The following PARD3 variants were observed in gnomAD, a reference collection of about 807,000 sequenced individuals.
PARD3 encodes the protein partitioning defective 3 homolog.
In PARD3, 75 loss-of-function variants were observed where a neutral mutation model predicts 155.4. That is an observed-to-expected ratio of 0.48 (90% CI 0.40 to 0.58). PARD3 has a LOEUF of 0.58. Ranked by LOEUF, PARD3 falls within the 20% of genes least tolerant of loss-of-function variation. The pLI is 0.00. For missense variants in PARD3, 1,642 were observed against 1,721.7 expected (o/e 0.95, Z 0.82); for synonymous variants, 576 against 610.5 (o/e 0.94, Z 0.83).
At chr10:34,373,557 T>C (rs1840913430) in intron 11 of PARD3, among the ~76,000 whole-genome samples, 1 of 151,860 alleles carries the variant, frequency 6.6e-6, no homozygotes, top group Non-Finnish European at 1.5e-5. Context: ...ATTTACAATT[T>C]AATAGAGACA....
intron 1 of PARD3, among the ~76,000 whole-genome samples, chr10:34,758,047 C>T (rs1175954461): frequency 6.6e-6 from 1 of 152,212 alleles, no homozygotes; most frequent in East Asian, 1.9e-4. Context: ...TTCCTGACCC[C>T]TTTGCAAGCA....
chr10:34,676,627 G>C (rs910562437), intron 2 of PARD3, among the ~76,000 whole-genome samples: 1 of 152,130 alleles, frequency 6.6e-6, no homozygotes, highest in South Asian at 2.1e-4. Context: ...ATTAGAAGTC[G>C]TTTAGGGAAG....
At chr10:34,796,507 A>T (rs766727973) in intron 1 of PARD3, among the ~76,000 whole-genome samples, 1 of 152,258 alleles carries the variant, frequency 6.6e-6, no homozygotes, top group Non-Finnish European at 1.5e-5. Flanking sequence ...AAACTGCTGA[A>T]TATTATTTTT....
chr10:34,801,614 A>C (rs965300926), intron 1 of PARD3, among the ~76,000 whole-genome samples: 1 of 152,202 alleles, frequency 6.6e-6, no homozygotes, highest in Non-Finnish European at 1.5e-5. Flanking sequence ...TGAAGTCTTC[A>C]GGTGATTTGC....
rs575062501 is a variant in PARD3 at position 34,795,905 on chromosome 10, T to C, written c.120+18971A>G. Among the ~76,000 whole-genome samples, 319 of 152,006 alleles carry C rather than the reference T, an allele frequency of 2.1e-3. 1 individual carries two copies. The highest frequency in any genetic ancestry group is 3.4e-3 in the Middle Eastern group (1 of 294). ...GTGAAACTCCATCTCAAAAATAACA[T>C]AACATAACATAACATAAATAAAAAA... On this transcript the variant is annotated intron_variant, in intron 1 of 24. Transcript: ENST00000374788.
intron 4 of PARD3, among the ~76,000 whole-genome samples, chr10:34,457,691 C>T (rs2077408264): frequency 6.6e-6 from 1 of 152,092 alleles, no homozygotes; most frequent in South Asian, 2.1e-4. Context: ...ACCTCCACCT[C>T]CCGGGCTCAA....
chr10:34,797,190 AC>A (rs1842360622), intron 1 of PARD3, among the ~76,000 whole-genome samples: 1 of 152,118 alleles, frequency 6.6e-6, no homozygotes, highest in Non-Finnish European at 1.5e-5. Context: ...TTGCTCTGTC[AC>A]CCAGGCTGCA....
At chr10:34,639,497 T>C (rs1215397767) in intron 2 of PARD3, among the ~76,000 whole-genome samples, 3 of 152,218 alleles carry the variant, frequency 2.0e-5, no homozygotes, top group African/African-American at 4.8e-5. Context: ...TGGTGGAGGA[T>C]GAGAATCAAA....
At chr10:34,427,827 T>C (rs780115170) in intron 5 of PARD3, among the ~76,000 whole-genome samples, 3 of 152,090 alleles carry the variant, frequency 2.0e-5, no homozygotes, top group Admixed American at 6.6e-5. Flanking sequence ...AGAAACTACG[T>C]TGAATTATCG....
intron 22 of PARD3, among the ~76,000 whole-genome samples, chr10:34,237,777 G>C (rs975159424): frequency 6.6e-6 from 1 of 152,152 alleles, no homozygotes; most frequent in African/African-American, 2.4e-5. Flanking sequence ...ATGTACGTAG[G>C]ATTGGGAATT....
intron 22 of PARD3, among the ~76,000 whole-genome samples, chr10:34,136,546 A>AG (rs1177310917): frequency 2.6e-5 from 4 of 152,126 alleles, no homozygotes; most frequent in African/African-American, 9.7e-5. Context: ...TTCCCATAGC[A>AG]GGGGGGAGAA....
chr10:34,370,944 T>C (rs1564637164), intron 12 of PARD3, among the ~76,000 whole-genome samples: 1 of 152,056 alleles, frequency 6.6e-6, no homozygotes, highest in African/African-American at 2.4e-5. Context: ...GGGCAATTGT[T>C]ATAAACACTA....
chr10:34,654,651 C>T (rs775421760), intron 2 of PARD3, among the ~76,000 whole-genome samples: 4 of 152,212 alleles, frequency 2.6e-5, no homozygotes, highest in Non-Finnish European at 4.4e-5. Flanking sequence ...TTTCCCACAA[C>T]CCATTTGCCC....
chr10:34,122,952 TG>T (rs1199340421), intron 23 of PARD3, among the ~76,000 whole-genome samples: 3 of 152,208 alleles, frequency 2.0e-5, no homozygotes, highest in African/African-American at 7.2e-5. Context: ...CACAGAGAAG[TG>T]TATGTTTTCA....
At position 34,733,557 on chromosome 10, in the gene PARD3, C is replaced by T. The variant is rs1289903439; in HGVS notation, c.121-37138G>A. ...GGAGTGCAGTGGCACCATCTCGGCTCACCACGAACTCCTCCTCCCGGGCTC... is the reference window on the plus strand; with the variant it reads ...GGAGTGCAGTGGCACCATCTCGGCTTACCACGAACTCCTCCTCCCGGGCTC... On this transcript the variant is annotated intron_variant, in intron 1 of 24. Transcript: ENST00000374788. 3.3e-5 allele frequency among the ~76,000 whole-genome samples: 5 copies of T among 152,338 alleles called. No individual in the cohort carries two copies. The East Asian group carries it at 9.7e-4, about 29-fold the overall frequency.
At chr10:34,427,866 G>A (rs773950) in intron 5 of PARD3, among the ~76,000 whole-genome samples, 1 of 151,888 alleles carries the variant, frequency 6.6e-6, no homozygotes, top group African/African-American at 2.4e-5. Flanking sequence ...ATGTGGAGGC[G>A]ATGAAGGGGT....
chr10:34,141,427 T>C (rs1054879955), intron 22 of PARD3, among the ~76,000 whole-genome samples: 1 of 152,204 alleles, frequency 6.6e-6, no homozygotes, highest in African/African-American at 2.4e-5. Flanking sequence ...ATTAAAAACA[T>C]ACAGCTATGC....
At chr10:34,671,750 A>G (rs925671769) in intron 2 of PARD3, among the ~76,000 whole-genome samples, 2 of 152,198 alleles carry the variant, frequency 1.3e-5, no homozygotes, top group Non-Finnish European at 2.9e-5. Flanking sequence ...TATCGCAAAG[A>G]TCAGCATTAA....
chr10:34,789,221 G>A (rs1188963208), intron 1 of PARD3, among the ~76,000 whole-genome samples: 2 of 152,188 alleles, frequency 1.3e-5, no homozygotes, highest in Non-Finnish European at 2.9e-5. Context: ...GAGCCCAGGA[G>A]GCCGAGGCCG....
Sources: gnomAD v4.1 joint callset for allele counts (sites outside exome capture counted in the v4.1 genomes callset) on GRCh38, gnomAD v4.1.1 for gene constraint, MANE v1.5 for transcripts, NCBI Gene and HGNC (gene_info 2026-07-23, HGNC 2026-07-21) for gene names.